ANKRD6: variants seen among roughly 807,000 people sequenced by gnomAD.
ANKRD6 encodes ankyrin repeat domain-containing protein 6.
Under a neutral mutation model 82.3 loss-of-function variants are expected in ANKRD6, and 56 were observed. The ratio of observed to expected loss-of-function variants is 0.68; its 90% CI spans 0.55 to 0.85. ANKRD6 has a LOEUF of 0.85. ANKRD6 is among the 40% of genes least tolerant of loss of function. ANKRD6 has a pLI of 0.00. For synonymous variants in ANKRD6, 347 were observed against 352.1 expected (o/e 0.99, Z 0.16); for missense variants, 852 against 907.6 (o/e 0.94, Z 0.79).
intron 1 of ANKRD6, among the ~76,000 whole-genome samples, chr6:89,464,477 C>G (rs1333947719): frequency 1.3e-5 from 2 of 152,148 alleles, no homozygotes; most frequent in Non-Finnish European, 2.9e-5. Context: ...ACTGCAAGCG[C>G]TTATATCTGT....
At chr6:89,607,063 G>A (rs1583693516) in intron 5 of ANKRD6, among the ~76,000 whole-genome samples, 2 of 151,966 alleles carry the variant, frequency 1.3e-5, no homozygotes, top group East Asian at 1.9e-4. Context: ...CCAGCTACTC[G>A]GAAGGCTGAG....
At chr6:89,488,866 ATCTAT>A (rs57575981) in intron 1 of ANKRD6, among the ~76,000 whole-genome samples, 28,527 of 142,992 alleles carry the variant, frequency 0.2, 2,744 homozygotes, top group Middle Eastern at 0.26. Context: ...AAATATATCG[ATCTAT>A]TCTATTCTAT....
At chr6:89,466,785 CA>C (rs1429988905) in intron 1 of ANKRD6, among the ~76,000 whole-genome samples, 2 of 152,164 alleles carry the variant, frequency 1.3e-5, no homozygotes, top group Admixed American at 1.3e-4. Context: ...TGACTCACTG[CA>C]GCCTCAACCT....
intron 1 of ANKRD6, among the ~76,000 whole-genome samples, chr6:89,563,769 G>A (rs1787892749): frequency 1.3e-5 from 2 of 152,066 alleles, no homozygotes; most frequent in Admixed American, 6.5e-5. Flanking sequence ...GTCAGGTCAG[G>A]GCATCAGATG....
chr6:89,500,723 A>G (rs1779168271), intron 1 of ANKRD6, among the ~76,000 whole-genome samples: 1 of 152,202 alleles, frequency 6.6e-6, no homozygotes, highest in South Asian at 2.1e-4. Flanking sequence ...GTAAATAGCT[A>G]CAACAAAGTT....
At chr6:89,465,776 T>G (rs1774775049) in intron 1 of ANKRD6, among the ~76,000 whole-genome samples, 1 of 152,044 alleles carries the variant, frequency 6.6e-6, no homozygotes. Context: ...GGTAGGAGGA[T>G]CACTTGAGCC....
rs1391715546 is a variant in ANKRD6 at position 89,631,965 on chromosome 6, T to G, written c.*961T>G. On this transcript the variant is annotated 3_prime_UTR_variant, in exon 16 of 16. Transcript: ENST00000339746. ...CGGTGAAGGCAAAATATTCGATAAC[T>G]CAACTTAGGCCCCACTGTTCCCCAA... The G allele has an allele frequency of 6.6e-6, 1 of 152,230 alleles. No homozygotes were observed. Among genetic ancestry groups the G allele is most frequent in the Admixed American group, 6.5e-5 (1 of 15,282 alleles). The allele number at this position is 152,230 out of a possible 1,614,324, so 9.4% of individuals were successfully genotyped here.
At chr6:89,549,893 T>C (rs769960232) in intron 1 of ANKRD6, among the ~76,000 whole-genome samples, 1 of 147,830 alleles carries the variant, frequency 6.8e-6, no homozygotes, top group Admixed American at 6.8e-5. Flanking sequence ...CTGAGTAACA[T>C]AGTGAGACCT....
At chr6:89,471,637 G>A (rs931660483) in intron 1 of ANKRD6, among the ~76,000 whole-genome samples, 1 of 152,046 alleles carries the variant, frequency 6.6e-6, no homozygotes, top group Non-Finnish European at 1.5e-5. Context: ...GTGTGGGTGT[G>A]TGTGTGTTTT....
intron 1 of ANKRD6, among the ~76,000 whole-genome samples, chr6:89,464,108 T>C (rs1219089049): frequency 1.3e-5 from 2 of 152,170 alleles, no homozygotes; most frequent in Non-Finnish European, 2.9e-5. Context: ...AAAATAATTC[T>C]TTATGAACTC....
chr6:89,600,530 T>C (rs1252499995), intron 3 of ANKRD6, among the ~76,000 whole-genome samples: 1 of 152,146 alleles, frequency 6.6e-6, no homozygotes, highest in East Asian at 1.9e-4. Context: ...AGTTTGTGGT[T>C]ATATTAAAAA....
At chr6:89,453,288 T>C (rs550596528) in intron 1 of ANKRD6, among the ~76,000 whole-genome samples, 84 of 152,190 alleles carry the variant, frequency 5.5e-4, no homozygotes, top group South Asian at 2.7e-3. Context: ...TGTCAAAACA[T>C]TAAAAGCCCT....
At chr6:89,511,184 C>G (rs900027890) in intron 1 of ANKRD6, among the ~76,000 whole-genome samples, 1 of 152,228 alleles carries the variant, frequency 6.6e-6, no homozygotes, top group African/African-American at 2.4e-5. Context: ...GTAGACTCTT[C>G]CCAAATACAC....
intron 9 of ANKRD6, 185 bp from the exon 10 acceptor site, chr6:89,621,737 G>A (rs1803396252): frequency 1.6e-6 from 1 of 617,172 alleles, no homozygotes. Context: ...CCGAGTCCCC[G>A]TGGTGCCCAG....
At chr6:89,606,179 C>A in intron 5 of ANKRD6, 74 bp downstream of exon 5, 1 of 1,249,162 alleles carries the variant, frequency 8.0e-7, no homozygotes, top group Non-Finnish European at 1.1e-6. Flanking sequence ...CTGTGGGAGC[C>A]TTCTTCCAGT....
At chr6:89,618,838 G>A (rs1802277233) in intron 9 of ANKRD6, among the ~76,000 whole-genome samples, 1 of 152,072 alleles carries the variant, frequency 6.6e-6, no homozygotes. Context: ...GCTATTAATA[G>A]TTTATTAAGC....
chr6:89,615,088 A>G (rs566583292), intron 7 of ANKRD6, among the ~76,000 whole-genome samples: 1 of 152,066 alleles, frequency 6.6e-6, no homozygotes, highest in East Asian at 1.9e-4. Context: ...TGAAAATTAG[A>G]TTGTCTTGGT....
At chr6:89,541,335 T>G (rs1220329517) in intron 1 of ANKRD6, among the ~76,000 whole-genome samples, 1 of 151,510 alleles carries the variant, frequency 6.6e-6, no homozygotes, top group Non-Finnish European at 1.5e-5. Context: ...ATTATAGAGA[T>G]CTTTCACTTC....
At chr6:89,541,000 T>A (rs150615354) in intron 1 of ANKRD6, among the ~76,000 whole-genome samples, 1 of 152,280 alleles carries the variant, frequency 6.6e-6, no homozygotes, top group Non-Finnish European at 1.5e-5. Flanking sequence ...TGTTTGTATG[T>A]CAGTACCTTG....
Sources: gnomAD v4.1 joint callset for allele counts (sites outside exome capture counted in the v4.1 genomes callset) on GRCh38, gnomAD v4.1.1 for gene constraint, MANE v1.5 for transcripts, NCBI Gene and HGNC (gene_info 2026-07-23, HGNC 2026-07-21) for gene names.